WDPCP: variants seen among roughly 807,000 people sequenced by gnomAD.
WDPCP encodes WD repeat containing planar cell polarity effector.
A neutral mutation model predicts 93.1 loss-of-function variants in WDPCP; 71 were observed. That is an observed-to-expected ratio of 0.76 (90% CI 0.63 to 0.93). The LOEUF (loss-of-function observed/expected upper bound fraction) is 0.93. Among genes scored for constraint, WDPCP ranks in the 40% least tolerant of loss-of-function variants. The pLI, the probability that WDPCP is intolerant of heterozygous loss-of-function variation, is 0.00. For missense variants in WDPCP, 844 were observed against 887.4 expected, an observed-to-expected ratio of 0.95 and a Z score of 0.62; for synonymous variants, 315 against 315.0, an observed-to-expected ratio of 1.00 and a Z score of 0.00.
chr2:63,455,429 T>C (rs1237915582), intron 6 of WDPCP, among the ~76,000 whole-genome samples: 157 of 149,156 alleles, frequency 1.1e-3, no homozygotes, highest in African/African-American at 3.7e-3. Flanking sequence ...TATATATATA[T>C]ATATATATAT....
At chr2:63,564,375 G>C (rs1706864086) in intron 1 of WDPCP, 1 of 152,142 alleles carries the variant, frequency 6.6e-6, no homozygotes, top group Non-Finnish European at 1.5e-5. Context: ...ATGCTTTTGG[G>C]ACTCTGCTAA....
rs542649350 is a variant in WDPCP, at chr2:63,120,428, C to T, written c.*1578G>A. ...AAAGAAAAATTTGAAGTATAAAAGC[C>T]TTCAGTCTGATTAACTTTGAACTCT... On this transcript the variant is annotated 3_prime_UTR_variant, in exon 18 of 18. Transcript: ENST00000272321. Among the ~76,000 whole-genome samples the T allele has an allele frequency of 2.6e-5, 4 of 151,636 alleles. No homozygotes were observed. The East Asian group carries it at 5.8e-4, about 22-fold the overall frequency.
At chr2:63,347,690 C>G (rs2104517611) in intron 12 of WDPCP, among the ~76,000 whole-genome samples, 1 of 151,730 alleles carries the variant, frequency 6.6e-6, no homozygotes, top group Non-Finnish European at 1.5e-5. Context: ...GTGGGGGGGT[C>G]ATTGGGTGTT....
chr2:63,281,873 T>C (rs374546533), intron 13 of WDPCP, among the ~76,000 whole-genome samples: 1 of 152,074 alleles, frequency 6.6e-6, no homozygotes, highest in African/African-American at 2.4e-5. Context: ...TTGGGTATAA[T>C]GGACACTACT....
chr2:63,387,269 A>G (rs1272981987), intron 10 of WDPCP, among the ~76,000 whole-genome samples: 1 of 152,130 alleles, frequency 6.6e-6, no homozygotes, highest in Non-Finnish European at 1.5e-5. Context: ...CAGCACATCA[A>G]AATGAAAAGC....
chr2:63,739,561 T>C (rs1355354481), intron 2 of WDPCP, among the ~76,000 whole-genome samples: 1 of 152,084 alleles, frequency 6.6e-6, no homozygotes, highest in Admixed American at 6.5e-5. Flanking sequence ...GATTGCTGGG[T>C]TGAATGGTAG....
At chr2:63,128,063 C>T (rs1670041791) in intron 17 of WDPCP, among the ~76,000 whole-genome samples, 1 of 151,916 alleles carries the variant, frequency 6.6e-6, no homozygotes, top group Admixed American at 6.6e-5. Flanking sequence ...CACTTGAACC[C>T]GGGAGGCGGA....
At chr2:63,302,462 T>A (rs1447920277) in intron 13 of WDPCP, among the ~76,000 whole-genome samples, 1 of 152,224 alleles carries the variant, frequency 6.6e-6, no homozygotes, top group Non-Finnish European at 1.5e-5. Context: ...TTAAAATGGC[T>A]TCTCTTTTAT....
chr2:63,303,490 G>A (rs1685486387), intron 13 of WDPCP, among the ~76,000 whole-genome samples: 1 of 152,120 alleles, frequency 6.6e-6, no homozygotes, highest in African/African-American at 2.4e-5. Flanking sequence ...ACCACCCATT[G>A]TACCTCTGTA....
At chr2:63,834,579 G>T in the WDPCP span, among the ~76,000 whole-genome samples, 306 of 152,318 alleles carry the variant, frequency 2.0e-3, no homozygotes, top group African/African-American at 7.0e-3. Context: ...CCCTGGCCTG[G>T]TTGCAGTCCA....
chr2:63,598,963 T>G (rs911320440), intron 3 of WDPCP, among the ~76,000 whole-genome samples: 2 of 151,564 alleles, frequency 1.3e-5, no homozygotes, highest in African/African-American at 2.4e-5. Flanking sequence ...TTTCTATAAA[T>G]CTGATATTAT....
intron 12 of WDPCP, among the ~76,000 whole-genome samples, chr2:63,362,139 T>G (rs1690511350): frequency 1.3e-5 from 2 of 152,144 alleles, no homozygotes; most frequent in African/African-American, 4.8e-5. Context: ...TATAATTTCC[T>G]TACTGTACTA....
chr2:63,455,413 GATATATAT>G (rs59481179), intron 6 of WDPCP, among the ~76,000 whole-genome samples: 5 of 140,916 alleles, frequency 3.5e-5, no homozygotes, highest in Non-Finnish European at 1.5e-5. Context: ...TACTTGTAAA[GATATATAT>G]ATATATATAT....
chr2:63,634,368 A>G (rs913949789), intron 3 of WDPCP, among the ~76,000 whole-genome samples: 1 of 152,244 alleles, frequency 6.6e-6, no homozygotes, highest in African/African-American at 2.4e-5. Context: ...ACACACAAAT[A>G]TATTAAGCCA....
At chr2:63,430,946 T>C (rs1696711587) in intron 9 of WDPCP, among the ~76,000 whole-genome samples, 1 of 152,172 alleles carries the variant, frequency 6.6e-6, no homozygotes, top group African/African-American at 2.4e-5. Context: ...TTTTCTAATA[T>C]CCATAAAATA....
intron 17 of WDPCP, among the ~76,000 whole-genome samples, chr2:63,144,344 G>A (rs971409619): frequency 4.0e-5 from 6 of 151,724 alleles, no homozygotes; most frequent in Non-Finnish European, 7.4e-5. Flanking sequence ...GCAGTGGCAC[G>A]GCTCAATGGC....
chr2:63,346,585 GACATGGA>G (rs1394288841), intron 12 of WDPCP, among the ~76,000 whole-genome samples: 1 of 152,202 alleles, frequency 6.6e-6, no homozygotes, highest in Non-Finnish European at 1.5e-5. Flanking sequence ...CTTTCTGGGA[GACATGGA>G]ACTGCCTGTT....
chr2:63,132,396 A>G (rs1202501976), intron 17 of WDPCP, among the ~76,000 whole-genome samples: 2 of 151,406 alleles, frequency 1.3e-5, no homozygotes, highest in African/African-American at 4.9e-5. Context: ...CAGATTGGGT[A>G]AGTTTTTGGC....
At chr2:63,560,605 G>A (rs546778398) in intron 1 of WDPCP, among the ~76,000 whole-genome samples, 62 of 152,268 alleles carry the variant, frequency 4.1e-4, no homozygotes, top group South Asian at 1.0e-3. Context: ...ATGATAGACC[G>A]GATTAAGAAA....
Sources: allele counts gnomAD v4.1 joint callset (sites outside exome capture counted in the v4.1 genomes callset), GRCh38; gene constraint gnomAD v4.1.1; transcripts MANE v1.5; gene names NCBI Gene and HGNC (gene_info 2026-07-23, HGNC 2026-07-21).